Variants in HECW2 observed in about 807,000 individuals in gnomAD.
HECW2 encodes HECT, C2 and WW domain containing E3 ubiquitin protein ligase 2.
Under a neutral mutation model 175.2 loss-of-function variants are expected in HECW2, and 61 were observed. The observed-to-expected ratio is 0.35, with a 90% confidence interval of 0.28 to 0.43. The LOEUF is 0.43. Ranked by LOEUF, HECW2 falls within the 20% of genes least tolerant of loss-of-function variation. The pLI is 1.00. For synonymous variants in HECW2, 671 were observed against 731.0 expected (o/e 0.92, Z 1.32); for missense variants, 1,524 against 2,000.5 (o/e 0.76, Z 4.54).
Position 196,318,785 on chromosome 2 carries a change from C to A in HECW2, c.2105G>T (p.Cys702Phe). 1.3e-6 allele frequency: 2 copies of A among 1,528,250 alleles called. No homozygotes were observed. Among genetic ancestry groups the A allele is most frequent in the South Asian group, 1.3e-5 (1 of 77,044 alleles). The allele number at this position is 1,528,250 out of a possible 1,614,324, so 94.7% of individuals were successfully genotyped here. The change falls in exon 9 of 29, where the codon TGC becomes TTC. Residue 702 changes from cysteine (C) to phenylalanine (F), a missense_variant. Physicochemically the swap from Cys to Phe is radical, Grantham distance 205. Coordinates refer to ENST00000644978, the MANE Select transcript of HECW2 (RefSeq NM_001348768.2). ...GPAEGSQESV[C>F]TAGSLPVVQV... ...TACCACAGGTAAAGAACCAGCAGTGCACACGGATTCCTGCGACCCTTCGGC... is the reference window on the plus strand; with the variant it reads ...TACCACAGGTAAAGAACCAGCAGTGAACACGGATTCCTGCGACCCTTCGGC...
chr2:196,587,145 G>A (rs963389472), intron 1 of HECW2, among the ~76,000 whole-genome samples: 1 of 152,036 alleles, frequency 6.6e-6, no homozygotes, highest in Non-Finnish European at 1.5e-5. Flanking sequence ...CCTACCTTTA[G>A]CCATATAATA....
chr2:196,230,539 C>G (rs1688013666), intron 21 of HECW2, among the ~76,000 whole-genome samples: 3 of 152,180 alleles, frequency 2.0e-5, no homozygotes, highest in Admixed American at 2.0e-4. Context: ...TCAACCTTCT[C>G]TCAGGGCAGG....
intron 2 of HECW2, among the ~76,000 whole-genome samples, chr2:196,354,032 A>C (rs191009287): frequency 1.8e-4 from 28 of 152,268 alleles, no homozygotes; most frequent in African/African-American, 6.7e-4. Context: ...CACCGAATGC[A>C]AGTAATCAAA....
chr2:196,530,088 A>G (rs997206755), intron 1 of HECW2, among the ~76,000 whole-genome samples: 7 of 152,224 alleles, frequency 4.6e-5, no homozygotes, highest in Non-Finnish European at 7.3e-5. Context: ...AGATCTGGCA[A>G]TAATTCTTAT....
At chr2:196,571,711 AT>A (rs1559181562) in intron 1 of HECW2, among the ~76,000 whole-genome samples, 1 of 152,144 alleles carries the variant, frequency 6.6e-6, no homozygotes, top group Non-Finnish European at 1.5e-5. Context: ...AAAAAAAAAA[AT>A]AAAAGAAAAA....
At chr2:196,471,306 T>C (rs1697188205) in intron 1 of HECW2, among the ~76,000 whole-genome samples, 1 of 152,060 alleles carries the variant, frequency 6.6e-6, no homozygotes, top group Admixed American at 6.5e-5. Flanking sequence ...TATTAAGAAA[T>C]CAAAATTAAC....
intron 1 of HECW2, among the ~76,000 whole-genome samples, chr2:196,541,977 A>C (rs1026629894): frequency 6.6e-5 from 10 of 152,102 alleles, no homozygotes; most frequent in Middle Eastern, 3.2e-3. Flanking sequence ...AGAAAAAGAC[A>C]AAGGTGCCAG....
intron 28 of HECW2, among the ~76,000 whole-genome samples, chr2:196,206,817 A>G (rs1687084669): frequency 6.6e-6 from 1 of 152,186 alleles, no homozygotes; most frequent in Admixed American, 6.5e-5. Context: ...ATTTCTCCAA[A>G]AGGCTAGGAG....
intron 10 of HECW2, among the ~76,000 whole-genome samples, chr2:196,314,437 C>T (rs111385239): frequency 8.5e-5 from 13 of 152,318 alleles, no homozygotes; most frequent in African/African-American, 3.1e-4. Flanking sequence ...ATTCATCTAC[C>T]CACACAATAG....
At chr2:196,574,745 T>C (rs1210540838) in intron 1 of HECW2, among the ~76,000 whole-genome samples, 2 of 152,060 alleles carry the variant, frequency 1.3e-5, no homozygotes, top group Non-Finnish European at 2.9e-5. Flanking sequence ...AGAGCAACAC[T>C]AAAGGCACCA....
intron 2 of HECW2, among the ~76,000 whole-genome samples, chr2:196,355,589 T>G (rs1306316300): frequency 6.6e-6 from 1 of 152,268 alleles, no homozygotes; most frequent in East Asian, 1.9e-4. Context: ...AAAAGAACAT[T>G]TTAAGCCTCA....
chr2:196,307,136 T>C lies in HECW2; in HGVS notation c.2683A>G (p.Ser895Gly), dbSNP rs773295443. The change falls in exon 12 of 29, where the codon AGT becomes GGT. Residue 895 changes from serine (S) to glycine (G), a missense_variant. Coordinates refer to ENST00000644978, the MANE Select transcript of HECW2 (RefSeq NM_001348768.2). The stretch of plus-strand genomic sequence containing the variant: ...CAAAGCCCAAAGCTCTTACCTGCAC[T>C]GGCTTGGTGAAAGTCAGCTTCCTCC... ...AGEEADFHQA[S>G]ADFRRENILP... The C allele has an allele frequency of 1.2e-5, 19 of 1,609,876 alleles. No individual in the cohort carries two copies. The South Asian group carries it at 2.1e-4, about 18-fold the overall frequency.
Position 196,292,506 on chromosome 2 carries a change from C to T in HECW2, c.3000+59G>A, listed in dbSNP as rs147599681. 1.0e-3 allele frequency: 1,503 copies of T among 1,476,488 alleles called. 3 individuals are homozygous for T. The highest frequency in any genetic ancestry group is 1.5e-3 in the Admixed American group (84 of 57,598). The allele number at this position is 1,476,488 out of a possible 1,614,324, so 91.5% of individuals were successfully genotyped here. A position where few individuals can be genotyped will look rare whatever the true frequency, so the allele number is the denominator to read the frequency against. On this transcript the variant is annotated intron_variant, in intron 14 of 28. Coordinates refer to ENST00000644978, the MANE Select transcript of HECW2 (RefSeq NM_001348768.2). Reference sequence around the variant, plus strand: ...TCACTTGAAGGGTAGGGCCAAGTGTCGAAGCCACAAGCAGCCCACAGGCAT... The same window carrying T: ...TCACTTGAAGGGTAGGGCCAAGTGTTGAAGCCACAAGCAGCCCACAGGCAT...
Position 196,255,934 on chromosome 2 carries a change from G to A in HECW2, c.3419+1889C>T, listed in dbSNP as rs191629141. ...TTAAAATACAAAAAATTAGCCGGGC[G>A]TGGTGGCTTGCACCTGTACTCCCAG... On this transcript the variant is annotated intron_variant, in intron 18 of 28. Transcript: ENST00000644978. Among the ~76,000 whole-genome samples, 128 of 152,178 alleles carry A rather than the reference G, an allele frequency of 8.4e-4. 2 individuals carry two copies. In the East Asian group the frequency reaches 9.5e-3, roughly 11 times the overall value.
intron 1 of HECW2, among the ~76,000 whole-genome samples, chr2:196,499,691 C>T (rs117916919): frequency 0.011 from 1,647 of 152,262 alleles, 77 homozygotes; most frequent in Admixed American, 0.084. Context: ...ACTTAATTCT[C>T]GCTCTAAGAC....
At chr2:196,549,317 G>C (rs1246194939) in intron 1 of HECW2, among the ~76,000 whole-genome samples, 1 of 152,126 alleles carries the variant, frequency 6.6e-6, no homozygotes, top group Non-Finnish European at 1.5e-5. Context: ...CCTCCAGGAG[G>C]TCTCACTATC....
At chr2:196,273,989 G>T in intron 16 of HECW2, 32 bp downstream of exon 16, 2 of 1,465,570 alleles carry the variant, frequency 1.4e-6, no homozygotes, top group Non-Finnish European at 1.9e-6. Context: ...TGGCACAAAA[G>T]GACAGATGAT....
chr2:196,408,745 T>G (rs1322957431), intron 2 of HECW2, among the ~76,000 whole-genome samples: 1 of 152,234 alleles, frequency 6.6e-6, no homozygotes, highest in Non-Finnish European at 1.5e-5. Flanking sequence ...TTAGCTTCCA[T>G]TATTTTTTAT....
chr2:196,325,490 G>A (rs1159707161), intron 5 of HECW2, among the ~76,000 whole-genome samples: 2 of 152,114 alleles, frequency 1.3e-5, no homozygotes, highest in African/African-American at 4.8e-5. Flanking sequence ...GACTTTTCCT[G>A]GGAACTCTTT....
Sources: gnomAD v4.1 joint callset for allele counts (sites outside exome capture counted in the v4.1 genomes callset) on GRCh38, gnomAD v4.1.1 for gene constraint, MANE v1.5 for transcripts, NCBI Gene and HGNC (gene_info 2026-07-23, HGNC 2026-07-21) for gene names.